LRRC4C: variants seen among roughly 807,000 people sequenced by gnomAD.
LRRC4C encodes the protein leucine-rich repeat-containing protein 4C.
A neutral mutation model predicts 33.6 loss-of-function variants in LRRC4C; 5 were observed. That is an observed-to-expected ratio of 0.15 (90% CI 0.08 to 0.31). The LOEUF is 0.31. LRRC4C is among the 10% of genes least tolerant of loss of function. The pLI is 1.00. For missense variants in LRRC4C, 560 were observed against 796.7 expected, an observed-to-expected ratio of 0.70 and a Z score of 3.58; for synonymous variants, 329 against 302.0, an observed-to-expected ratio of 1.09 and a Z score of -0.93.
intron 5 of LRRC4C, among the ~76,000 whole-genome samples, chr11:40,229,843 A>G (rs193136052): frequency 1.4e-4 from 22 of 152,328 alleles, no homozygotes; most frequent in African/African-American, 4.6e-4. Context: ...TTATAAGTTA[A>G]TAAATGACTC....
intron 1 of LRRC4C, among the ~76,000 whole-genome samples, chr11:41,216,731 A>C (rs1947078492): frequency 6.6e-6 from 1 of 152,204 alleles, no homozygotes; most frequent in African/African-American, 2.4e-5. Context: ...CCCCACATCA[A>C]TATAGTGTGA....
chr11:40,201,293 C>A (rs1343299900), intron 5 of LRRC4C, among the ~76,000 whole-genome samples: 2 of 152,122 alleles, frequency 1.3e-5, no homozygotes, highest in African/African-American at 2.4e-5. Flanking sequence ...TCTATGGATT[C>A]CCTGTTTTTT....
intron 1 of LRRC4C, among the ~76,000 whole-genome samples, chr11:41,412,713 G>C (rs1050137588): frequency 6.6e-6 from 1 of 152,162 alleles, no homozygotes; most frequent in Non-Finnish European, 1.5e-5. Context: ...GGGCTATTTA[G>C]TTTTTAGAAC....
chr11:40,757,486 A>G (rs1329260452), intron 2 of LRRC4C, among the ~76,000 whole-genome samples: 1 of 152,080 alleles, frequency 6.6e-6, no homozygotes, highest in Non-Finnish European at 1.5e-5. Flanking sequence ...TTCCAAGGAA[A>G]AGGAATTGTG....
At chr11:40,431,394 CAAAA>C (rs572317927) in intron 3 of LRRC4C, among the ~76,000 whole-genome samples, 4 of 125,388 alleles carry the variant, frequency 3.2e-5, no homozygotes, top group Admixed American at 8.3e-5. Flanking sequence ...GACTCTGTCT[CAAAA>C]AAAAAAAAAA....
chr11:41,229,271 AG>A (rs568601261), intron 1 of LRRC4C, among the ~76,000 whole-genome samples: 22 of 152,248 alleles, frequency 1.4e-4, no homozygotes, highest in South Asian at 8.3e-4. Flanking sequence ...TGTAGAAAGA[AG>A]GCAACTATCT....
intron 3 of LRRC4C, among the ~76,000 whole-genome samples, chr11:40,509,353 T>G (rs56285270): frequency 3.7e-4 from 57 of 152,272 alleles, no homozygotes; most frequent in African/African-American, 1.3e-3. Context: ...AACAGTAAAT[T>G]TAAATGGTAA....
chr11:40,597,285 A>G (rs560361499), intron 3 of LRRC4C, among the ~76,000 whole-genome samples: 40 of 152,232 alleles, frequency 2.6e-4, no homozygotes, highest in African/African-American at 9.6e-4. Context: ...GCTATAGACA[A>G]TAGACAAGTG....
At chr11:41,043,255 A>G (rs1857559620) in intron 1 of LRRC4C, among the ~76,000 whole-genome samples, 2 of 151,956 alleles carry the variant, frequency 1.3e-5, no homozygotes, top group African/African-American at 2.4e-5. Context: ...GAGACAGTCA[A>G]ATCCCCTTGG....
chr11:41,084,595 T>A (rs1050901743), intron 1 of LRRC4C, among the ~76,000 whole-genome samples: 2 of 152,190 alleles, frequency 1.3e-5, no homozygotes, highest in Non-Finnish European at 2.9e-5. Context: ...ACGCCTGTAA[T>A]CACAGCACTT....
At chr11:40,802,071 C>T (rs1364620963) in intron 2 of LRRC4C, among the ~76,000 whole-genome samples, 1 of 152,134 alleles carries the variant, frequency 6.6e-6, no homozygotes, top group Admixed American at 6.5e-5. Context: ...ATACCTGTAC[C>T]TGAGTAAATC....
chr11:41,424,727 C>A (rs533821194), intron 1 of LRRC4C, among the ~76,000 whole-genome samples: 6 of 151,976 alleles, frequency 3.9e-5, no homozygotes, highest in African/African-American at 1.4e-4. Flanking sequence ...TAATATAATA[C>A]GCATTTATTT....
At position 41,301,560 on chromosome 11, in the gene LRRC4C, C is replaced by T. The variant is rs373915647; in HGVS notation, c.-496+157871G>A. Among the ~76,000 whole-genome samples the T allele has an allele frequency of 5.1e-3, 773 of 152,178 alleles. 2 individuals are homozygous for T. Among genetic ancestry groups the T allele is most frequent in the Non-Finnish European group, 7.9e-3 (536 of 68,008 alleles). Reference sequence around the variant, plus strand: ...ATAATATAACAATGGTCTATGCAAGCACAGTGACTCAGAACTCCTAAGTGA... The same window carrying T: ...ATAATATAACAATGGTCTATGCAAGTACAGTGACTCAGAACTCCTAAGTGA... On this transcript the variant is annotated intron_variant, in intron 1 of 6. Coordinates refer to ENST00000528697, the MANE Select transcript of LRRC4C (RefSeq NM_001258419.2).
chr11:40,181,524 A>G (rs1861002998), intron 5 of LRRC4C, among the ~76,000 whole-genome samples: 1 of 152,184 alleles, frequency 6.6e-6, no homozygotes, highest in African/African-American at 2.4e-5. Context: ...CACATTCAAT[A>G]TAGGCAATGT....
chr11:40,942,068 TGAAGGAGAATG>T (rs1370529483), intron 1 of LRRC4C, among the ~76,000 whole-genome samples: 6 of 152,016 alleles, frequency 3.9e-5, no homozygotes, highest in Non-Finnish European at 7.4e-5. Context: ...CTGACATGTG[TGAAGGAGAATG>T]GAAGGGGCAA....
In LRRC4C at chr11:40,644,907, A is replaced by G. The variant is rs7933097; in HGVS notation, c.-270+3235T>C. Among the ~76,000 whole-genome samples the G allele has an allele frequency of 5.8e-4, 88 of 150,710 alleles. 1 individual carries two copies. The highest frequency in any genetic ancestry group is 2.1e-3 in the African/African-American group (85 of 41,132). Reference sequence around the variant, plus strand: ...CTATGTAGTTTTGCAAGATATTGTCATTGGGTATAAAGGGGGAACAGGCAC... The same window carrying G: ...CTATGTAGTTTTGCAAGATATTGTCGTTGGGTATAAAGGGGGAACAGGCAC... On this transcript the variant is annotated intron_variant, in intron 3 of 6. Transcript: ENST00000528697.
intron 1 of LRRC4C, among the ~76,000 whole-genome samples, chr11:41,236,447 C>A (rs1240278474): frequency 6.6e-6 from 1 of 151,944 alleles, no homozygotes; most frequent in Non-Finnish European, 1.5e-5. Flanking sequence ...ACTTATATAC[C>A]ACTAAGCTGT....
intron 5 of LRRC4C, among the ~76,000 whole-genome samples, chr11:40,153,020 G>A (rs1245960941): frequency 6.6e-6 from 1 of 152,068 alleles, no homozygotes; most frequent in Admixed American, 6.6e-5. Context: ...CAAAGCTAAG[G>A]ACCCTCACAG....
intron 1 of LRRC4C, among the ~76,000 whole-genome samples, chr11:41,267,533 T>C (rs1001679881): frequency 6.6e-6 from 1 of 152,134 alleles, no homozygotes; most frequent in Non-Finnish European, 1.5e-5. Flanking sequence ...TGGTAACCAG[T>C]AAATGATAAC....
Sources: gnomAD v4.1 joint callset for allele counts (sites outside exome capture counted in the v4.1 genomes callset) on GRCh38, gnomAD v4.1.1 for gene constraint, MANE v1.5 for transcripts, NCBI Gene and HGNC (gene_info 2026-07-23, HGNC 2026-07-21) for gene names.